RBFOX1: variants seen among roughly 807,000 people sequenced by gnomAD.
RBFOX1 encodes RNA binding fox-1 homolog 1.
In RBFOX1, 8 loss-of-function variants were observed where a neutral mutation model predicts 57.7. That is an observed-to-expected ratio of 0.14 (90% CI 0.08 to 0.25). RBFOX1 has a LOEUF of 0.25. Ranked by LOEUF, RBFOX1 falls within the 10% of genes least tolerant of loss-of-function variation. The pLI, the probability that RBFOX1 is intolerant of heterozygous loss-of-function variation, is 1.00. For missense variants in RBFOX1, 611 were observed against 548.5 expected (o/e 1.11, Z -1.14); for synonymous variants, 326 against 222.4 (o/e 1.47, Z -4.15).
intron 2 of RBFOX1, among the ~76,000 whole-genome samples, chr16:6,634,374 G>A (rs909979100): frequency 2.0e-5 from 3 of 151,866 alleles, no homozygotes; most frequent in Non-Finnish European, 4.4e-5. Flanking sequence ...GTGACCTTGG[G>A]CAAAAAACCA....
chr16:6,353,365 TG>T (rs926729295), intron 2 of RBFOX1, among the ~76,000 whole-genome samples: 75 of 152,062 alleles, frequency 4.9e-4, no homozygotes, highest in African/African-American at 1.8e-3. Context: ...TTTTTTGGGA[TG>T]GGTATTAGCT....
chr16:6,148,322 G>A (rs958582007), intron 1 of RBFOX1, among the ~76,000 whole-genome samples: 3 of 152,208 alleles, frequency 2.0e-5, no homozygotes, highest in Non-Finnish European at 4.4e-5. Flanking sequence ...GTGAGACTCC[G>A]TCTCAAAATA....
chr16:5,817,822 C>G (rs2055697341), intron 3 of RBFOX1, among the ~76,000 whole-genome samples: 1 of 151,812 alleles, frequency 6.6e-6, no homozygotes, highest in South Asian at 2.1e-4. Flanking sequence ...GCCTCAGTAG[C>G]TGGGACTACA....
At chr16:5,644,290 A>G (rs1336417102) in intron 3 of RBFOX1, among the ~76,000 whole-genome samples, 2 of 152,230 alleles carry the variant, frequency 1.3e-5, no homozygotes, top group African/African-American at 2.4e-5. Flanking sequence ...TATGTGTAGT[A>G]AAATGAATTA....
chr16:6,486,007 A>G (rs2095472261), intron 2 of RBFOX1, among the ~76,000 whole-genome samples: 1 of 134,696 alleles, frequency 7.4e-6, no homozygotes, highest in African/African-American at 3.2e-5. Flanking sequence ...AGGACCAGCT[A>G]ATTATTTTTC....
intron 1 of RBFOX1, among the ~76,000 whole-genome samples, chr16:6,229,667 C>G (rs1474690081): frequency 1.3e-5 from 2 of 150,268 alleles, no homozygotes; most frequent in Non-Finnish European, 3.0e-5. Flanking sequence ...AAATAAAAAG[C>G]CAAATGTAAA....
intron 2 of RBFOX1, among the ~76,000 whole-genome samples, chr16:6,393,971 A>T (rs1423627738): frequency 2.0e-5 from 3 of 152,200 alleles, no homozygotes; most frequent in Non-Finnish European, 2.9e-5. Flanking sequence ...TCTTTTTCCA[A>T]CAAGAATCTT....
At chr16:5,491,082 T>G (rs1178008959) in intron 2 of RBFOX1, among the ~76,000 whole-genome samples, 1 of 152,216 alleles carries the variant, frequency 6.6e-6, no homozygotes, top group East Asian at 1.9e-4. Flanking sequence ...TTTCTGTACC[T>G]GCTTCATTAT....
chr16:6,982,879 G>C (rs2089293153), intron 3 of RBFOX1, among the ~76,000 whole-genome samples: 1 of 149,064 alleles, frequency 6.7e-6, no homozygotes, highest in Middle Eastern at 3.2e-3. Context: ...TGTAATCCAA[G>C]ATACTTGGGA....
At chr16:7,527,690 T>G (rs765852302) in intron 5 of RBFOX1, among the ~76,000 whole-genome samples, 2 of 152,160 alleles carry the variant, frequency 1.3e-5, no homozygotes, top group African/African-American at 2.4e-5. Context: ...ATGTGAGGCT[T>G]AGAGTTGTTG....
intron 3 of RBFOX1, among the ~76,000 whole-genome samples, chr16:5,845,061 C>CTT (rs34775077): frequency 2.3e-4 from 32 of 140,204 alleles, no homozygotes; most frequent in South Asian, 4.6e-4. Context: ...ACCCGAGATT[C>CTT]TTTTTTTTTT....
intron 4 of RBFOX1, among the ~76,000 whole-genome samples, chr16:7,142,604 T>C (rs2074062996): frequency 6.6e-6 from 1 of 152,208 alleles, no homozygotes; most frequent in African/African-American, 2.4e-5. Flanking sequence ...GATTTTCCCT[T>C]ATCTACTCAT....
chr16:7,652,601 T>G (rs1017193310), intron 11 of RBFOX1, among the ~76,000 whole-genome samples: 1 of 151,996 alleles, frequency 6.6e-6, no homozygotes, highest in Non-Finnish European at 1.5e-5. Flanking sequence ...AGAGATGGGG[T>G]TTCACCGTAT....
At chr16:5,400,941 A>G (rs1470417700) in intron 1 of RBFOX1, among the ~76,000 whole-genome samples, 1 of 152,000 alleles carries the variant, frequency 6.6e-6, no homozygotes, top group African/African-American at 2.4e-5. Flanking sequence ...TATTTTTCTT[A>G]TTGATTTGAA....
chr16:5,734,515 G>C (rs926404998), intron 3 of RBFOX1, among the ~76,000 whole-genome samples: 2 of 152,224 alleles, frequency 1.3e-5, no homozygotes, highest in Non-Finnish European at 2.9e-5. Context: ...AAGCCCCATG[G>C]AGTGTTGCCA....
intron 2 of RBFOX1, among the ~76,000 whole-genome samples, chr16:6,603,167 C>T (rs914425518): frequency 5.9e-5 from 9 of 152,204 alleles, no homozygotes; most frequent in Admixed American, 6.5e-5. Context: ...ACAGAAAGAT[C>T]TGAATGGCAG....
chr16:6,636,616 G>C (rs1290756660), intron 2 of RBFOX1, among the ~76,000 whole-genome samples: 1 of 151,132 alleles, frequency 6.6e-6, no homozygotes, highest in Non-Finnish European at 1.5e-5. Flanking sequence ...TGTATTTTTT[G>C]TGTGCATGAT....
At chr16:7,063,074 A>T (rs990921741) in intron 4 of RBFOX1, among the ~76,000 whole-genome samples, 2 of 151,926 alleles carry the variant, frequency 1.3e-5, no homozygotes, top group African/African-American at 4.8e-5. Flanking sequence ...CATACCCTGC[A>T]ATGCCTCCCT....
chr16:5,329,307 G>A (rs1280394067), intron 1 of RBFOX1, among the ~76,000 whole-genome samples: 2 of 152,218 alleles, frequency 1.3e-5, no homozygotes, highest in African/African-American at 4.8e-5. Context: ...GAAACTTACA[G>A]TCATGGTGGA....
Sources: gnomAD v4.1 joint callset for allele counts (sites outside exome capture counted in the v4.1 genomes callset) on GRCh38, gnomAD v4.1.1 for gene constraint, MANE v1.5 for transcripts, NCBI Gene and HGNC (gene_info 2026-07-23, HGNC 2026-07-21) for gene names.